Variants in ZNF718 observed in about 807,000 individuals in gnomAD.
ZNF718 encodes zinc finger protein 718.
ZNF718 carries 3 observed loss-of-function variants against 2.6 expected under a neutral mutation model. The observed-to-expected ratio is 1.16, with a 90% CI of 0.53 to 3.01. ZNF718 has a LOEUF of 3.01. Among genes scored for constraint, ZNF718 ranks in the 30% most tolerant of loss-of-function variants. ZNF718 has a pLI of 0.03. For synonymous variants in ZNF718, 135 were observed against 77.9 expected (o/e 1.73, Z -3.86); for missense variants, 468 against 230.0 (o/e 2.03, Z -6.69).
Position 161,789 on chromosome 4 carries a change from A to G in ZNF718, c.1104A>G (p.Thr368=), listed in dbSNP as rs782401493. The change falls in exon 4 of 4, where the codon ACA becomes ACG. Residue 368 remains threonine, a synonymous_variant. Transcript: ENST00000510175. ...TCCATACTGGAGAGAAACCCTACAC[A>G]TGTGAAGAATGTGGAAAAGCCTTTA... ...KRIHTGEKPY[T]CEECGKAFNW... 6 of 780,536 alleles carry G rather than the reference A, an allele frequency of 7.7e-6. No individual in the cohort carries two copies. The highest frequency in any genetic ancestry group is 3.4e-5 in the African/African-American group (2 of 59,260). The allele number at this position is 780,536 out of a possible 1,614,324, so 48.4% of individuals were successfully genotyped here.
intron 3 of ZNF718, among the ~76,000 whole-genome samples, chr4:183,754 T>A (rs555434254): frequency 2.6e-5 from 4 of 152,316 alleles, no homozygotes; most frequent in African/African-American, 9.6e-5. Context: ...AGGTATTGTA[T>A]TCTTTTTGTG....
chr4:160,144 C>G (rs1327683752), intron 3 of ZNF718, among the ~76,000 whole-genome samples: 3 of 152,166 alleles, frequency 2.0e-5, no homozygotes, highest in Non-Finnish European at 4.4e-5. Flanking sequence ...CTTTCAGCAC[C>G]CTGTATTATT....
intron 3 of ZNF718, among the ~76,000 whole-genome samples, chr4:171,650 G>C (rs1553818042): frequency 6.6e-6 from 1 of 152,182 alleles, no homozygotes; most frequent in African/African-American, 2.4e-5. Flanking sequence ...AGCCAGGCAT[G>C]GGATATAATC....
rs1717283009 is a variant in ZNF718, at chr4:173,536, A to G, written c.227-27545A>G. Among the ~76,000 whole-genome samples, 3 of 152,078 alleles carry G rather than the reference A, an allele frequency of 2.0e-5. No homozygotes were observed. The South Asian group carries it at 6.2e-4, about 31-fold the overall frequency. On this transcript the variant is annotated intron_variant and NMD_transcript_variant, in intron 3 of 4. Transcript: ENST00000642529. ...ACTAGGAAAGAAACCAATAGTTACT[A>G]TTTATACACAGTTCAAATGTGCCCT...
rs1185488199 is a variant in ZNF718, at chr4:192,191, C to T, written c.227-8890C>T. Among the ~76,000 whole-genome samples the T allele has an allele frequency of 3.9e-5, 6 of 152,170 alleles. No individual in the cohort carries two copies. The East Asian group carries it at 7.7e-4, about 20-fold the overall frequency. On this transcript the variant is annotated intron_variant and NMD_transcript_variant, in intron 3 of 4. Transcript: ENST00000642529. ...TGGCAAGCGATAGCTCAGCTCGAGC[C>T]GGAACAAACGCAGACCAGAAGAGTG...
At chr4:152,164 A>G (rs1241224767) in intron 3 of ZNF718, among the ~76,000 whole-genome samples, 1 of 147,726 alleles carries the variant, frequency 6.8e-6, no homozygotes, top group African/African-American at 2.5e-5. Context: ...GATGGAGCAT[A>G]CAATCGGGTT....
intron 3 of ZNF718, among the ~76,000 whole-genome samples, chr4:182,537 G>T (rs1553819992): frequency 6.6e-6 from 1 of 151,958 alleles, no homozygotes; most frequent in African/African-American, 2.4e-5. Flanking sequence ...GGGTATAAGC[G>T]ATTCTTCTGC....
Position 133,060 on chromosome 4 carries a change from C to T in ZNF718, c.226+1555C>T, listed in dbSNP as rs1437110721. ...GGCATGGTTGTGCGCACCTGTAATC[C>T]CAGCTACTTGGGAGGCTGAGGTAGG... On this transcript the variant is annotated intron_variant, in intron 3 of 3. Coordinates refer to ENST00000510175, the MANE Select transcript of ZNF718 (RefSeq NM_001039127.6). Among the ~76,000 whole-genome samples the T allele has an allele frequency of 2.1e-5, 2 of 93,436 alleles. 1 individual carries two copies. The highest frequency in any genetic ancestry group is 4.6e-5 in the Non-Finnish European group (2 of 43,198). 61.3% of individuals were successfully genotyped at this position (93,436 alleles called of 152,430 possible).
chr4:169,445 G>A (rs112341549), intron 3 of ZNF718, among the ~76,000 whole-genome samples: 1 of 152,142 alleles, frequency 6.6e-6, no homozygotes, highest in Admixed American at 6.5e-5. Context: ...AATATTGACA[G>A]TGGGGTGTTA....
At chr4:160,427 T>C (rs1003573350) in intron 3 of ZNF718, among the ~76,000 whole-genome samples, 2 of 152,256 alleles carry the variant, frequency 1.3e-5, no homozygotes, top group Non-Finnish European at 2.9e-5. Context: ...ATTTTTGTTA[T>C]ATATGTCTGT....
chr4:189,545 A>G (rs1008750836), intron 3 of ZNF718, among the ~76,000 whole-genome samples: 1 of 152,186 alleles, frequency 6.6e-6, no homozygotes, highest in Non-Finnish European at 1.5e-5. Flanking sequence ...ATAAATTTAT[A>G]ATAGTTTTTT....
chr4:124,483 G>A (rs2108775955), upstream of ZNF718: 1 of 698,874 alleles, frequency 1.4e-6, no homozygotes. Flanking sequence ...GGAGGGTGCG[G>A]CATCCGGGAT....
intron 1 of ZNF718, among the ~76,000 whole-genome samples, chr4:126,467 A>G (rs1409910879): frequency 3.3e-5 from 5 of 152,364 alleles, no homozygotes; most frequent in Admixed American, 6.5e-5. Context: ...TGAAATGTGA[A>G]TAGCAAGAAT....
At chr4:146,440 T>C (rs1232896192) in intron 3 of ZNF718, among the ~76,000 whole-genome samples, 2 of 152,188 alleles carry the variant, frequency 1.3e-5, no homozygotes, top group East Asian at 3.9e-4. Context: ...AAGAATCTCT[T>C]TTTCTTGCTT....
chr4:137,813 A>G (rs1715638795), intron 3 of ZNF718, among the ~76,000 whole-genome samples: 3 of 152,108 alleles, frequency 2.0e-5, no homozygotes, highest in South Asian at 4.2e-4. Context: ...GATAAATTTA[A>G]TGTAGTCCAT....
intron 3 of ZNF718, chr4:149,929 T>C (rs1049997565): frequency 1.3e-5 from 2 of 152,136 alleles, no homozygotes; most frequent in African/African-American, 4.8e-5. Flanking sequence ...TACGGTCTAG[T>C]GATGTTAAGT....
At chr4:134,305 C>T (rs1715462730) in intron 3 of ZNF718, among the ~76,000 whole-genome samples, 2 of 152,094 alleles carry the variant, frequency 1.3e-5, no homozygotes, top group Non-Finnish European at 2.9e-5. Flanking sequence ...CGCCACCACG[C>T]CCGGCTAATT....
chr4:185,048 G>A (rs1245558295), intron 3 of ZNF718, among the ~76,000 whole-genome samples: 2 of 151,884 alleles, frequency 1.3e-5, no homozygotes, highest in Non-Finnish European at 2.9e-5. Flanking sequence ...GCTAACTTTG[G>A]GGTTTGTTTG....
chr4:172,055 A>G (rs1717247633), intron 3 of ZNF718, among the ~76,000 whole-genome samples: 1 of 152,238 alleles, frequency 6.6e-6, no homozygotes, highest in Non-Finnish European at 1.5e-5. Context: ...TTCATGCAGA[A>G]TAGTCTATAT....
Sources: gnomAD v4.1 joint callset for allele counts (sites outside exome capture counted in the v4.1 genomes callset) on GRCh38, gnomAD v4.1.1 for gene constraint, MANE v1.5 for transcripts, NCBI Gene and HGNC (gene_info 2026-07-23, HGNC 2026-07-21) for gene names.